Variants in SLC36A1 observed in about 807,000 individuals in gnomAD.
SLC36A1 encodes the protein solute carrier family 36 member 1.
Under a neutral mutation model 47.5 loss-of-function variants are expected in SLC36A1, and 30 were observed. The ratio of observed to expected loss-of-function variants is 0.63; its 90% CI spans 0.47 to 0.86. SLC36A1 has a LOEUF of 0.86. SLC36A1 is among the 40% of genes least tolerant of loss of function. The pLI is 0.00. For missense variants in SLC36A1, 517 were observed against 606.0 expected (o/e 0.85, Z 1.54); for synonymous variants, 255 against 249.7 (o/e 1.02, Z -0.20).
the SLC36A1 span, among the ~76,000 whole-genome samples, chr5:151,417,758 G>C: frequency 1.3e-5 from 2 of 152,238 alleles, no homozygotes; most frequent in African/African-American, 4.8e-5. Context: ...AGAATAACCA[G>C]TTTTGGTGGG....
the SLC36A1 span, among the ~76,000 whole-genome samples, chr5:151,407,759 T>C: frequency 1.3e-5 from 2 of 152,318 alleles, no homozygotes; most frequent in South Asian, 2.1e-4. Flanking sequence ...GAGCCAATTT[T>C]TGGGGTCAAT....
At chr5:151,550,775 C>A in the SLC36A1 span, 2 of 1,613,960 alleles carry the variant, frequency 1.2e-6, no homozygotes, top group South Asian at 1.1e-5. Context: ...AGGAGCTCTA[C>A]CCCTGGCACG....
At chr5:151,439,246 C>T (rs1028255095) in intron 1 of SLC36A1, among the ~76,000 whole-genome samples, 2 of 152,180 alleles carry the variant, frequency 1.3e-5, no homozygotes, top group African/African-American at 4.8e-5. Flanking sequence ...ACCCAGGCCC[C>T]TCCCTTGACA....
chr5:151,393,330 C>T, the SLC36A1 span, among the ~76,000 whole-genome samples: 1 of 152,140 alleles, frequency 6.6e-6, no homozygotes, highest in South Asian at 2.1e-4. Context: ...GAATACAGCA[C>T]ACTGATGGGT....
At chr5:151,399,084 A>ATATATATATATATT in the SLC36A1 span, among the ~76,000 whole-genome samples, 64 of 60,030 alleles carry the variant, frequency 1.1e-3, 1 homozygote, top group Non-Finnish European at 1.3e-3. Context: ...ATATATATAT[A>ATATATATATATATT]TTTTTTTTTT....
the SLC36A1 span, among the ~76,000 whole-genome samples, chr5:151,512,998 C>T: frequency 6.6e-6 from 1 of 152,210 alleles, no homozygotes; most frequent in Non-Finnish European, 1.5e-5. This position sits in a 1 kb window ranked among gnomAD's most constrained non-coding sequence, Gnocchi z 4.1. Flanking sequence ...CCTTATTCAA[C>T]AGCTTAGCAG....
At chr5:151,372,216 G>A in the SLC36A1 span, among the ~76,000 whole-genome samples, 1 of 152,124 alleles carries the variant, frequency 6.6e-6, no homozygotes, top group Non-Finnish European at 1.5e-5. Flanking sequence ...CTCTACAAAA[G>A]GCTATACTCT....
chr5:151,395,642 C>G, the SLC36A1 span, among the ~76,000 whole-genome samples: 1 of 152,062 alleles, frequency 6.6e-6, no homozygotes, highest in Non-Finnish European at 1.5e-5. Flanking sequence ...ATCAGTGTTT[C>G]CATGAAGCTA....
upstream of SLC36A1, among the ~76,000 whole-genome samples, chr5:151,433,252 A>ATT (rs1759524016): frequency 7.2e-5 from 1 of 13,848 alleles, no homozygotes; most frequent in African/African-American, 3.0e-4. Context: ...ATATATATAT[A>ATT]TATATATATA....
upstream of SLC36A1, among the ~76,000 whole-genome samples, chr5:151,444,724 G>T (rs1255430705): frequency 1.3e-5 from 2 of 152,146 alleles, no homozygotes. Context: ...GACCTCAGGT[G>T]ACCCACTGCC....
chr5:151,545,447 C>T, the SLC36A1 span: 2 of 1,614,160 alleles, frequency 1.2e-6, no homozygotes, highest in Non-Finnish European at 1.7e-6. Context: ...CTGGCCCGCA[C>T]CATGAGAAGC....
the SLC36A1 span, chr5:151,554,286 C>G: frequency 1.4e-6 from 2 of 1,385,400 alleles, no homozygotes; most frequent in South Asian, 2.7e-5. Flanking sequence ...GGCTGTCTCC[C>G]TCCTCCTGAA....
the SLC36A1 span, among the ~76,000 whole-genome samples, chr5:151,535,215 C>A: frequency 6.6e-6 from 1 of 151,822 alleles, no homozygotes; most frequent in Non-Finnish European, 1.5e-5. Context: ...CCGTAACTCC[C>A]ACAGCCCTTG....
chr5:151,413,781 A>G, the SLC36A1 span, among the ~76,000 whole-genome samples: 1 of 152,174 alleles, frequency 6.6e-6, no homozygotes, highest in Non-Finnish European at 1.5e-5. Context: ...ACAAGAGTTT[A>G]AAATGAATAT....
the SLC36A1 span, among the ~76,000 whole-genome samples, chr5:151,533,393 A>AAAACACACACACAC: frequency 3.2e-4 from 42 of 132,180 alleles, no homozygotes; most frequent in East Asian, 2.1e-3. Flanking sequence ...TGTTATCTCC[A>AAAACACACACACAC]ACACACACAC....
chr5:151,479,328 A>T lies in SLC36A1; in HGVS notation c.998A>T (p.Gln333Leu), dbSNP rs140884226. 1.7e-4 allele frequency: 272 copies of T among 1,614,130 alleles called. No individual in the cohort carries two copies. In the South Asian group the frequency reaches 2.8e-3, roughly 17 times the overall value. ...CCTGTCTGTTTCGGCAGGTTGTACC[A>T]GTCAGTTAAGCTGCTGTACTCCATC... ...TLNLPNCWLY[Q>L]SVKLLYSIGI... is the part of the protein sequence containing the mutation. The change falls in exon 10 of 11, where the codon CAG (glutamine) becomes CTG (leucine). Residue 333 changes from glutamine (Q) to leucine (L), a missense_variant. Transcript: ENST00000243389.
chr5:151,483,523 G>C (rs181361583), intron 10 of SLC36A1, among the ~76,000 whole-genome samples: 7 of 144,626 alleles, frequency 4.8e-5, no homozygotes, highest in African/African-American at 1.7e-4. Flanking sequence ...TGTGTGGGGG[G>C]GGTGATTAGG....
chr5:151,479,741 G>A, intron 10 of SLC36A1: 1 of 537,118 alleles, frequency 1.9e-6, no homozygotes, highest in Admixed American at 3.5e-5. Context: ...ATGCTGTGGA[G>A]GTGGTTATCA....
chr5:151,520,077 C>T, the SLC36A1 span, among the ~76,000 whole-genome samples: 1 of 152,266 alleles, frequency 6.6e-6, no homozygotes, highest in East Asian at 1.9e-4. Flanking sequence ...AGGAAATCCT[C>T]TCCCCAACAG....
Sources: allele counts gnomAD v4.1 joint callset (sites outside exome capture counted in the v4.1 genomes callset), GRCh38; gene constraint gnomAD v4.1.1; non-coding constraint Gnocchi (gnomAD v3.1); transcripts MANE v1.5; gene names NCBI Gene and HGNC (gene_info 2026-07-23, HGNC 2026-07-21).